HECW1: variants seen among roughly 807,000 people sequenced by gnomAD.
HECW1 encodes the protein HECT, C2 and WW domain containing E3 ubiquitin protein ligase 1, also known as E3 ubiquitin-protein ligase HECW1.
HECW1 carries 61 observed loss-of-function variants against 182.3 expected under a neutral mutation model. That is an observed-to-expected ratio of 0.33 (90% CI 0.27 to 0.41). The LOEUF (loss-of-function observed/expected upper bound fraction) is 0.41. Among genes scored for constraint, HECW1 ranks in the 10% least tolerant of loss-of-function variants. The pLI, the probability that HECW1 is intolerant of heterozygous loss-of-function variation, is 1.00. For missense variants in HECW1, 1,739 were observed against 2,108.9 expected, an observed-to-expected ratio of 0.82 and a Z score of 3.44; for synonymous variants, 859 against 832.6, an observed-to-expected ratio of 1.03 and a Z score of -0.55.
chr7:43,270,913 G>A lies in HECW1; in HGVS notation c.27+26981G>A, dbSNP rs182570618. 1.0e-3 allele frequency among the ~76,000 whole-genome samples: 158 copies of A among 152,198 alleles called. No homozygotes were observed. The Middle Eastern group carries it at 0.037, about 36-fold the overall frequency. On this transcript the variant is annotated intron_variant, in intron 3 of 29. Transcript: ENST00000395891. ...AGATAACTTTGAAAAGAAGTATGTGGAAACTCTCTGAAGAAAACCATAAAA... is the reference window on the plus strand; with the variant it reads ...AGATAACTTTGAAAAGAAGTATGTGAAAACTCTCTGAAGAAAACCATAAAA...
intron 2 of HECW1, among the ~76,000 whole-genome samples, chr7:43,134,102 T>A (rs545787650): frequency 6.6e-6 from 1 of 152,252 alleles, no homozygotes; most frequent in South Asian, 2.1e-4. Context: ...ATTCTTAAAT[T>A]TTAAGAATAA....
intron 5 of HECW1, among the ~76,000 whole-genome samples, chr7:43,347,267 ATT>A (rs58042420): frequency 0.85 from 128,305 of 151,160 alleles, 54,690 homozygotes; most frequent in Admixed American, 0.91. Flanking sequence ...ATTTAATTTA[ATT>A]TTTTTTTTTG....
chr7:43,287,933 G>A (rs764145922), intron 3 of HECW1, among the ~76,000 whole-genome samples: 7 of 152,180 alleles, frequency 4.6e-5, no homozygotes, highest in African/African-American at 7.2e-5. Context: ...TACCATCTAC[G>A]GAGATGGGGA....
In HECW1 at chr7:43,161,894, G is replaced by A. The variant is rs969866017; in HGVS notation, c.-32+47503G>A. On this transcript the variant is annotated intron_variant, in intron 2 of 29. Transcript: ENST00000395891. ...CTGTGCTATAACTGCAATGTGACCC[G>A]TTTCCCATGAATGTCCTGGGGTGGT... is the stretch of plus-strand genomic sequence containing the variant. 1.1e-4 allele frequency among the ~76,000 whole-genome samples: 16 copies of A among 152,316 alleles called. No homozygotes were observed. The East Asian group carries it at 1.2e-3, about 11-fold the overall frequency.
At chr7:43,328,720 C>T (rs543999974) in intron 5 of HECW1, among the ~76,000 whole-genome samples, 6 of 152,272 alleles carry the variant, frequency 3.9e-5, no homozygotes, top group East Asian at 1.9e-4. Flanking sequence ...AAGATATAAC[C>T]GGAACATTCC....
chr7:43,333,183 TG>T (rs1215267889), intron 5 of HECW1, among the ~76,000 whole-genome samples: 1 of 152,160 alleles, frequency 6.6e-6, no homozygotes, highest in African/African-American at 2.4e-5. Flanking sequence ...CAAGGAAATG[TG>T]GGGGGCATCA....
rs2076604074 is a variant in HECW1, at chr7:43,433,110, G to A, written c.802-4893G>A. On this transcript the variant is annotated intron_variant, in intron 8 of 29. Coordinates refer to ENST00000395891, the MANE Select transcript of HECW1 (RefSeq NM_015052.5). ...TTTTGGCTACCATATCTAGGGGAGT[G>A]TCACTGGCATCTAATGGGTAGAGAT... 1.3e-5 allele frequency among the ~76,000 whole-genome samples: 2 copies of A among 152,208 alleles called. 1 individual carries two copies. Among genetic ancestry groups the A allele is most frequent in the South Asian group, 4.1e-4 (2 of 4,824 alleles).
intron 2 of HECW1, among the ~76,000 whole-genome samples, chr7:43,155,518 A>G (rs1789788771): frequency 6.6e-6 from 1 of 152,228 alleles, no homozygotes; most frequent in African/African-American, 2.4e-5. Context: ...AAATTATTAT[A>G]AAGTCTTTAC....
chr7:43,159,084 C>T (rs1450728741), intron 2 of HECW1, among the ~76,000 whole-genome samples: 9 of 151,826 alleles, frequency 5.9e-5, no homozygotes, highest in Non-Finnish European at 1.0e-4. Context: ...TAAACATTCA[C>T]GCCATTGCAT....
At position 43,561,910 on chromosome 7, in the gene HECW1, C is replaced by A. The variant is rs779654627; in HGVS notation, c.4805C>A (p.Thr1602Asn). ...KLLTAVEETS[T>N]FGLE ...TTAACAGCAGTAGAGGAAACCAGCA[C>A]CTTTGGACTTGAGTGAGGACATGGA... Residue 1602 changes from threonine (T) to asparagine (N), a missense_variant, in exon 30 of 30, where the codon ACC becomes AAC. Physicochemically the swap from Thr to Asn is moderately conservative, Grantham distance 65 (BLOSUM62 0). Transcript: ENST00000395891. The A allele has an allele frequency of 7.8e-5, 126 of 1,608,468 alleles. No individual in the cohort carries two copies. Among genetic ancestry groups the A allele is most frequent in the Non-Finnish European group, 1.0e-4 (119 of 1,174,980 alleles).
chr7:43,424,690 A>T (rs1198059654), intron 8 of HECW1, among the ~76,000 whole-genome samples: 1 of 152,200 alleles, frequency 6.6e-6, no homozygotes, highest in Non-Finnish European at 1.5e-5. Context: ...TAAAAATATC[A>T]GGAAATATCA....
intron 2 of HECW1, among the ~76,000 whole-genome samples, chr7:43,161,217 T>C (rs777818494): frequency 1.3e-5 from 2 of 152,208 alleles, no homozygotes; most frequent in Non-Finnish European, 2.9e-5. Flanking sequence ...TGCCCATTGG[T>C]TTCTATGACA....
In HECW1 at chr7:43,280,144, C is replaced by T. The variant is rs750737983; in HGVS notation, c.28-31619C>T. The stretch of plus-strand genomic sequence containing the variant: ...CTGGGTCAGGACTAGGAATTCTTAT[C>T]ACCTTTTCCCAAAGGAGTCAGATGC... On this transcript the variant is annotated intron_variant, in intron 3 of 29. Transcript: ENST00000395891. 6.6e-5 allele frequency among the ~76,000 whole-genome samples: 10 copies of T among 152,314 alleles called. No individual in the cohort carries two copies. In the South Asian group the frequency reaches 1.9e-3, roughly 28 times the overall value.
chr7:43,471,025 A>G (rs894873854), intron 16 of HECW1, among the ~76,000 whole-genome samples: 2 of 152,244 alleles, frequency 1.3e-5, no homozygotes, highest in East Asian at 3.8e-4. Flanking sequence ...AGTAATGCCT[A>G]TGTTGCCTTC....
At chr7:43,424,165 C>T (rs1048357879) in intron 8 of HECW1, among the ~76,000 whole-genome samples, 6 of 152,152 alleles carry the variant, frequency 3.9e-5, no homozygotes, top group African/African-American at 1.4e-4. Context: ...TGGGGGCCCT[C>T]TTAGCAGGTC....
At chr7:43,211,126 G>T (rs184822897) in intron 2 of HECW1, among the ~76,000 whole-genome samples, 36 of 152,224 alleles carry the variant, frequency 2.4e-4, no homozygotes, top group Non-Finnish European at 4.7e-4. Context: ...CTCATTAGTC[G>T]GGTGTGAGCT....
At chr7:43,423,348 C>T (rs2076256428) in intron 8 of HECW1, among the ~76,000 whole-genome samples, 1 of 152,172 alleles carries the variant, frequency 6.6e-6, no homozygotes, top group Non-Finnish European at 1.5e-5. Flanking sequence ...ATGAAAGGAA[C>T]TCATGAATGA....
rs373773879 is a variant in HECW1 at position 43,456,543 on chromosome 7, TGAG to T, written c.2651+100_2651+102del. On this transcript the variant is annotated intron_variant, in intron 13 of 29. Transcript: ENST00000395891. ...CTTACACTTTTCTGCTCAGACTGTA[TGAG>T]GAGACTGGAAAGTAATTAAGTATCT... 9,393 of 1,138,760 alleles carry T rather than the reference TGAG, an allele frequency of 8.2e-3. 56 individuals are homozygous for T. Among genetic ancestry groups the T allele is most frequent in the South Asian group, 0.011 (508 of 46,968 alleles). The allele number at this position is 1,138,760 out of a possible 1,614,324, so 70.5% of individuals were successfully genotyped here. A position where few individuals can be genotyped will look rare whatever the true frequency, so the allele number is the denominator to read the frequency against.
At chr7:43,322,346 C>T (rs1000105729) in intron 5 of HECW1, among the ~76,000 whole-genome samples, 1 of 152,204 alleles carries the variant, frequency 6.6e-6, no homozygotes, top group African/African-American at 2.4e-5. Flanking sequence ...AGGCGTGAGC[C>T]ACCGCACCTG....
Sources: allele counts gnomAD v4.1 joint callset (sites outside exome capture counted in the v4.1 genomes callset), GRCh38; gene constraint gnomAD v4.1.1; transcripts MANE v1.5; gene names NCBI Gene and HGNC (gene_info 2026-07-23, HGNC 2026-07-21).